ZMYND12: variants seen among roughly 807,000 people sequenced by gnomAD.
ZMYND12 encodes zinc finger MYND domain-containing protein 12.
In ZMYND12, 32 loss-of-function variants were observed where a neutral mutation model predicts 41.7. The observed-to-expected ratio is 0.77, with a 90% CI of 0.58 to 1.03. ZMYND12 has a LOEUF of 1.03. ZMYND12 is among the 50% of genes least tolerant of loss of function. The pLI, the probability that ZMYND12 is intolerant of heterozygous loss-of-function variation, is 0.00. For missense variants in ZMYND12, 424 were observed against 438.5 expected, an observed-to-expected ratio of 0.97 and a Z score of 0.30; for synonymous variants, 148 against 164.8, an observed-to-expected ratio of 0.90 and a Z score of 0.78.
chr1:42,441,366 G>A (rs1252941848), intron 3 of ZMYND12, among the ~76,000 whole-genome samples: 1 of 152,122 alleles, frequency 6.6e-6, no homozygotes, highest in African/African-American at 2.4e-5. Flanking sequence ...ACAGCTGCAG[G>A]GAACTGGTTC....
Position 42,439,849 on chromosome 1 carries a change from T to C in ZMYND12, c.594+7A>G. 4 of 1,601,628 alleles carry C rather than the reference T, an allele frequency of 2.5e-6. 1 individual carries two copies. The South Asian group carries it at 4.5e-5, about 18-fold the overall frequency. On this transcript the variant is annotated splice_region_variant and intron_variant, in intron 4 of 7. Transcript: ENST00000372565. ...AATATACAGGTGTTATAACTTAGCT[T>C]GTTTACATCATTGGCCAGATGATAA...
intron 7 of ZMYND12, among the ~76,000 whole-genome samples, chr1:42,431,458 A>C (rs1359601889): frequency 1.3e-5 from 2 of 152,194 alleles, no homozygotes; most frequent in Non-Finnish European, 2.9e-5. Flanking sequence ...GAAAAAAATA[A>C]AGCATGAAAG....
At chr1:42,451,493 T>C (rs1332947112) in intron 1 of ZMYND12, among the ~76,000 whole-genome samples, 1 of 152,154 alleles carries the variant, frequency 6.6e-6, no homozygotes, top group African/African-American at 2.4e-5. Flanking sequence ...AGCTTTTCTG[T>C]AAAGGGTCAG....
At position 42,441,682 on chromosome 1, in the gene ZMYND12, G is replaced by A. The variant is rs867262787; in HGVS notation, c.425-1657C>T. ...GTCGCCCAGGCTGGAGTGCAGTGGC[G>A]GGATCTCGGCTCACTGCAAGCTCCG... is the stretch of plus-strand genomic sequence containing the variant. On this transcript the variant is annotated intron_variant, in intron 3 of 7. Transcript: ENST00000372565. Among the ~76,000 whole-genome samples the A allele has an allele frequency of 8.4e-4, 128 of 151,928 alleles. 1 individual carries two copies. Among genetic ancestry groups the A allele is most frequent in the Non-Finnish European group, 6.2e-4 (42 of 67,894 alleles).
At chr1:42,451,970 G>GTTT (rs1189375958) in intron 1 of ZMYND12, among the ~76,000 whole-genome samples, 2 of 152,176 alleles carry the variant, frequency 1.3e-5, no homozygotes, top group African/African-American at 4.8e-5. Flanking sequence ...CAGGGTCAGG[G>GTTT]ATAAAGTAGG....
rs201540789 is a variant in ZMYND12 at position 42,454,919 on chromosome 1, CAT to C, written c.110+967_110+968del. Among the ~76,000 whole-genome samples, 909 of 152,254 alleles carry C rather than the reference CAT, an allele frequency of 6.0e-3. 5 individuals are homozygous for C. Among genetic ancestry groups the C allele is most frequent in the African/African-American group, 0.02 (846 of 41,530 alleles). On this transcript the variant is annotated intron_variant, in intron 1 of 7. Coordinates refer to ENST00000372565, the MANE Select transcript of ZMYND12 (RefSeq NM_032257.5). ...AATACATTTTTCCTGTACACACACA[CAT>C]GTCCACATAAAACACTAAGACAAAA...
chr1:42,440,453 G>A (rs869609), intron 3 of ZMYND12, among the ~76,000 whole-genome samples: 32,904 of 150,842 alleles, frequency 0.22, 3,713 homozygotes, highest in East Asian at 0.4. Context: ...CCATAGAGAC[G>A]GAAAGTAGAC....
chr1:42,451,026 G>A lies in ZMYND12; in HGVS notation c.111-967C>T, dbSNP rs150745046. On this transcript the variant is annotated intron_variant, in intron 1 of 7. Coordinates refer to ENST00000372565, the MANE Select transcript of ZMYND12 (RefSeq NM_032257.5). ...TTCTATCCTGAATAATGTTCTATAC[G>A]CACTAGAGAAGAATAGGCATTCTCA... Among the ~76,000 whole-genome samples the A allele has an allele frequency of 3.8e-3, 583 of 152,154 alleles. 1 individual carries two copies. Among genetic ancestry groups the A allele is most frequent in the African/African-American group, 0.012 (516 of 41,528 alleles).
At chr1:42,432,025 T>TTTC (rs370441945) in intron 7 of ZMYND12, among the ~76,000 whole-genome samples, 8 of 151,474 alleles carry the variant, frequency 5.3e-5, no homozygotes, top group African/African-American at 1.5e-4. Context: ...CCAACTGCTT[T>TTTC]TTCTTCTTCT....
intron 2 of ZMYND12, 81 bp downstream of exon 2, chr1:42,449,837 G>T: frequency 2.0e-6 from 3 of 1,530,274 alleles, no homozygotes; most frequent in Admixed American, 1.9e-5. Flanking sequence ...ACAATTTAGT[G>T]ATCCCAACAC....
intron 3 of ZMYND12, among the ~76,000 whole-genome samples, chr1:42,441,480 A>T (rs1642967996): frequency 6.6e-6 from 1 of 152,228 alleles, no homozygotes; most frequent in Non-Finnish European, 1.5e-5. Flanking sequence ...TATGCTTTAA[A>T]TCATCTCTAA....
intron 1 of ZMYND12, among the ~76,000 whole-genome samples, chr1:42,453,981 T>C (rs1643114320): frequency 6.6e-6 from 1 of 152,058 alleles, no homozygotes; most frequent in African/African-American, 2.4e-5. Flanking sequence ...AGAAAAATGG[T>C]ACTGTGAGAG....
At chr1:42,453,691 G>A (rs1221292470) in intron 1 of ZMYND12, among the ~76,000 whole-genome samples, 1 of 152,192 alleles carries the variant, frequency 6.6e-6, no homozygotes, top group Non-Finnish European at 1.5e-5. Context: ...CAAAAGGATT[G>A]AATCTTTCCC....
At chr1:42,440,112 G>A (rs1642953472) in intron 3 of ZMYND12, 87 bp from the exon 4 acceptor site, 2 of 1,349,122 alleles carry the variant, frequency 1.5e-6, no homozygotes, top group African/African-American at 1.5e-5. Context: ...ATTCACTCAT[G>A]TATTCATTGA....
In ZMYND12 at chr1:42,430,531, C is replaced by G. The variant is rs973734500; in HGVS notation, c.*205G>C. 1.1e-5 allele frequency: 6 copies of G among 551,276 alleles called. No homozygotes were observed. In the African/African-American group the frequency reaches 1.1e-4, roughly 10 times the overall value. The allele number at this position is 551,276 out of a possible 1,614,324, so 34.1% of individuals were successfully genotyped here. Reference sequence around the variant, plus strand: ...TCAAGTACAAAGGTCATGACAAACACAGTTTTTAGTGATTTCTATGCCTAA... The same window carrying G: ...TCAAGTACAAAGGTCATGACAAACAGAGTTTTTAGTGATTTCTATGCCTAA... On this transcript the variant is annotated 3_prime_UTR_variant, in exon 8 of 8. Coordinates refer to ENST00000372565, the MANE Select transcript of ZMYND12 (RefSeq NM_032257.5).
At chr1:42,455,803 G>T in intron 1 of ZMYND12, 85 bp downstream of exon 1, 1 of 1,062,576 alleles carries the variant, frequency 9.4e-7, no homozygotes, top group African/African-American at 1.6e-5. Context: ...AGGGGCAACG[G>T]CTAACGCAAG....
intron 1 of ZMYND12, among the ~76,000 whole-genome samples, chr1:42,454,359 C>T (rs1380131532): frequency 2.0e-5 from 3 of 152,162 alleles, no homozygotes; most frequent in Admixed American, 1.3e-4. Flanking sequence ...GGGCATACAG[C>T]CTAATGAAAG....
intron 1 of ZMYND12, among the ~76,000 whole-genome samples, chr1:42,453,402 G>T (rs568590256): frequency 1.3e-5 from 2 of 152,232 alleles, no homozygotes; most frequent in Non-Finnish European, 2.9e-5. Flanking sequence ...AAGACACTTT[G>T]CTAGAGACTA....
At position 42,455,903 on chromosome 1, in the gene ZMYND12, G is replaced by C. The variant is rs754138603; in HGVS notation, c.95C>G (p.Thr32Arg). Residue 32 changes from threonine (T) to arginine (R), a missense_variant, in exon 1 of 8, where the codon ACA becomes AGA. By Grantham distance (71) the Thr-to-Arg change is moderately conservative. Coordinates refer to ENST00000372565, the MANE Select transcript of ZMYND12 (RefSeq NM_032257.5). ...APAERVCAAC[T>R]VTYYCGVVHQ... Reference sequence around the variant, plus strand: ...CAGGGCCTACCAGTAATAAGTGACTGTGCAGGCCGCGCACACCCGCTCGGC... The same window carrying C: ...CAGGGCCTACCAGTAATAAGTGACTCTGCAGGCCGCGCACACCCGCTCGGC... The C allele has an allele frequency of 2.7e-5, 44 of 1,613,046 alleles. No individual in the cohort carries two copies. The highest frequency in any genetic ancestry group is 3.6e-5 in the Non-Finnish European group (42 of 1,179,520).
Sources: allele counts gnomAD v4.1 joint callset (sites outside exome capture counted in the v4.1 genomes callset), GRCh38; gene constraint gnomAD v4.1.1; transcripts MANE v1.5; gene names NCBI Gene and HGNC (gene_info 2026-07-23, HGNC 2026-07-21).